Variants in SLC35F3 observed in about 807,000 individuals in gnomAD.
SLC35F3 encodes solute carrier family 35 member F3.
Under a neutral mutation model 49.9 loss-of-function variants are expected in SLC35F3, and 25 were observed. That is an observed-to-expected ratio of 0.50 (90% CI 0.37 to 0.70). The LOEUF (loss-of-function observed/expected upper bound fraction) is 0.70, where lower values mean the gene tolerates loss of function less well. Among genes scored for constraint, SLC35F3 ranks in the 30% least tolerant of loss-of-function variants. The pLI, the probability that SLC35F3 is intolerant of heterozygous loss-of-function variation, is 0.00. For missense variants in SLC35F3, 525 were observed against 639.8 expected (o/e 0.82, Z 1.94); for synonymous variants, 275 against 265.4 (o/e 1.04, Z -0.35).
At chr1:234,093,449 T>G (rs1665073937) in intron 2 of SLC35F3, among the ~76,000 whole-genome samples, 1 of 152,212 alleles carries the variant, frequency 6.6e-6, no homozygotes, top group Non-Finnish European at 1.5e-5. Context: ...TCACCCTACC[T>G]TGAGGCTTTT....
intron 2 of SLC35F3, among the ~76,000 whole-genome samples, chr1:233,931,882 T>C (rs941641858): frequency 2.8e-4 from 43 of 152,248 alleles, no homozygotes; most frequent in African/African-American, 1.0e-3. Context: ...AGCAAAGACT[T>C]GGAACCAACC....
Position 234,270,472 on chromosome 1 carries a change from G to A in SLC35F3, c.609-38629G>A, listed in dbSNP as rs375242105. Among the ~76,000 whole-genome samples, 33 of 152,300 alleles carry A rather than the reference G, an allele frequency of 2.2e-4. 1 individual carries two copies. Among genetic ancestry groups the A allele is most frequent in the African/African-American group, 4.8e-4 (20 of 41,566 alleles). ...AGGGGTATGTGGTTGAGGCATGGCCGGTGATACAGATAAATAATTTTAGGC... is the reference window on the plus strand; with the variant it reads ...AGGGGTATGTGGTTGAGGCATGGCCAGTGATACAGATAAATAATTTTAGGC... On this transcript the variant is annotated intron_variant, in intron 3 of 7. Coordinates refer to ENST00000366618, the MANE Select transcript of SLC35F3 (RefSeq NM_173508.4).
At chr1:234,209,285 G>T (rs887155475) in intron 2 of SLC35F3, among the ~76,000 whole-genome samples, 3 of 151,872 alleles carry the variant, frequency 2.0e-5, no homozygotes, top group African/African-American at 7.3e-5. Flanking sequence ...TGTGAGATTT[G>T]AGTTTTTAAG....
At chr1:234,001,158 G>A (rs2102832559) in intron 2 of SLC35F3, among the ~76,000 whole-genome samples, 1 of 152,284 alleles carries the variant, frequency 6.6e-6, no homozygotes, top group East Asian at 1.9e-4. Flanking sequence ...GGACCAAGAT[G>A]GATGGCAAGG....
At position 234,324,295 on chromosome 1, in the gene SLC35F3, G is replaced by T. The variant is rs890002018; in HGVS notation, c.*1052G>T. 7.9e-5 allele frequency: 12 copies of T among 152,202 alleles called. No individual in the cohort carries two copies. The highest frequency in any genetic ancestry group is 2.9e-4 in the African/African-American group (12 of 41,438). The allele number at this position is 152,202 out of a possible 1,614,324, so 9.4% of individuals were successfully genotyped here. On this transcript the variant is annotated 3_prime_UTR_variant, in exon 8 of 8. Coordinates refer to ENST00000366618, the MANE Select transcript of SLC35F3 (RefSeq NM_173508.4). ...GATAGATCTGTAAAGAGGGTCAGGG[G>T]TTAGAGTTTACTATTTTTGAAGTTT...
chr1:233,965,019 A>G (rs989713349), intron 2 of SLC35F3, among the ~76,000 whole-genome samples: 2 of 152,164 alleles, frequency 1.3e-5, no homozygotes, highest in South Asian at 4.2e-4. Flanking sequence ...TGTCATTGCA[A>G]TTGGACTCAG....
At chr1:233,954,222 G>C (rs1252976243) in intron 2 of SLC35F3, among the ~76,000 whole-genome samples, 1 of 152,188 alleles carries the variant, frequency 6.6e-6, no homozygotes, top group Non-Finnish European at 1.5e-5. Flanking sequence ...TAGCCAGGAT[G>C]GTCTCCATCT....
At position 234,015,296 on chromosome 1, in the gene SLC35F3, C is replaced by T. The variant is rs373408087; in HGVS notation, c.283+109538C>T. ...CCAGGAGGCGGAGTTTGCAGTGAGC[C>T]GATATTGTACTGCTGCACTCTAGCC... On this transcript the variant is annotated intron_variant, in intron 2 of 7. Coordinates refer to ENST00000366618, the MANE Select transcript of SLC35F3 (RefSeq NM_173508.4). Among the ~76,000 whole-genome samples the T allele has an allele frequency of 7.4e-5, 11 of 149,566 alleles. No homozygotes were observed. The East Asian group carries it at 9.8e-4, about 13-fold the overall frequency.
chr1:233,970,575 A>G (rs1662976114), intron 2 of SLC35F3, among the ~76,000 whole-genome samples: 1 of 152,208 alleles, frequency 6.6e-6, no homozygotes, highest in African/African-American at 2.4e-5. Flanking sequence ...CCTAACCCCT[A>G]GTATCTCCGA....
intron 3 of SLC35F3, among the ~76,000 whole-genome samples, chr1:234,234,706 GTC>G (rs1329554554): frequency 6.6e-6 from 1 of 152,020 alleles, no homozygotes; most frequent in African/African-American, 2.4e-5. Flanking sequence ...TCGAGCCCTG[GTC>G]CTCTTCAAGC....
chr1:234,113,949 G>T (rs549670296), intron 2 of SLC35F3, among the ~76,000 whole-genome samples: 94 of 152,340 alleles, frequency 6.2e-4, no homozygotes, highest in African/African-American at 2.2e-3. Context: ...GTGTTCTCTT[G>T]CCTCCCTTAT....
rs58676109 is a variant in SLC35F3 at position 234,165,038 on chromosome 1, T to TTGTGTG, written c.284-66337_284-66332dup. On this transcript the variant is annotated intron_variant, in intron 2 of 7. Coordinates refer to ENST00000366618, the MANE Select transcript of SLC35F3 (RefSeq NM_173508.4). ...TGGTCAGCTTACCTCTAGCTTCAAT[T>TTGTGTG]TGTGTGTGTGTGTGTGTGTGTGTGT... Among the ~76,000 whole-genome samples, 720 of 137,872 alleles carry TTGTGTG rather than the reference T, an allele frequency of 5.2e-3. 8 individuals are homozygous for TTGTGTG. The highest frequency in any genetic ancestry group is 0.023 in the East Asian group (101 of 4,430). 90.4% of individuals were successfully genotyped at this position (137,872 alleles called of 152,430 possible).
At chr1:234,051,930 G>C (rs1664383714) in intron 2 of SLC35F3, among the ~76,000 whole-genome samples, 2 of 152,182 alleles carry the variant, frequency 1.3e-5, no homozygotes, top group South Asian at 2.1e-4. Flanking sequence ...CCGTTTAAGT[G>C]ATGGATTACG....
At chr1:234,282,827 A>G (rs1668351039) in intron 3 of SLC35F3, among the ~76,000 whole-genome samples, 1 of 152,206 alleles carries the variant, frequency 6.6e-6, no homozygotes, top group South Asian at 2.1e-4. Context: ...GTGCCAGGCC[A>G]CCATCCTTTC....
intron 2 of SLC35F3, among the ~76,000 whole-genome samples, chr1:233,950,628 C>T (rs192377219): frequency 6.6e-6 from 1 of 151,722 alleles, no homozygotes; most frequent in East Asian, 1.9e-4. Flanking sequence ...CACCCTTTCT[C>T]CCTCCATATG....
chr1:234,243,800 G>T (rs1263744824), intron 3 of SLC35F3, among the ~76,000 whole-genome samples: 2 of 152,226 alleles, frequency 1.3e-5, no homozygotes, highest in Non-Finnish European at 2.9e-5. Flanking sequence ...GGGCTGTGCA[G>T]CCAGAGACTA....
intron 3 of SLC35F3, among the ~76,000 whole-genome samples, chr1:234,236,064 G>A (rs534715778): frequency 3.3e-5 from 5 of 152,146 alleles, no homozygotes; most frequent in Non-Finnish European, 7.3e-5. Context: ...GGGGGTGCAT[G>A]CAAGGGAGCT....
intron 2 of SLC35F3, among the ~76,000 whole-genome samples, chr1:234,025,763 C>T (rs915232428): frequency 6.6e-5 from 10 of 151,984 alleles, no homozygotes; most frequent in Non-Finnish European, 1.5e-4. Flanking sequence ...TTCTGTAGGT[C>T]GTCTGTTTAC....
At chr1:234,265,333 T>A in intron 3 of SLC35F3, among the ~76,000 whole-genome samples, 1 of 125,032 alleles carries the variant, frequency 8.0e-6, no homozygotes, top group East Asian at 2.1e-4. Context: ...TTTTTCTTTT[T>A]CTTTTTCTTT....
Sources: gnomAD v4.1 joint callset for allele counts (sites outside exome capture counted in the v4.1 genomes callset) on GRCh38, gnomAD v4.1.1 for gene constraint, MANE v1.5 for transcripts, NCBI Gene and HGNC (gene_info 2026-07-23, HGNC 2026-07-21) for gene names.